The following ADGRB3 variants were observed in gnomAD, a reference collection of about 807,000 sequenced individuals.
ADGRB3 encodes adhesion G protein-coupled receptor B3, also known as brain-specific angiogenesis inhibitor 3.
Under a neutral mutation model 193.4 loss-of-function variants are expected in ADGRB3, and 37 were observed. The observed-to-expected ratio is 0.19, with a 90% CI of 0.15 to 0.25. ADGRB3 has a LOEUF of 0.25. Among genes scored for constraint, ADGRB3 ranks in the 10% least tolerant of loss-of-function variants. The pLI, the probability that ADGRB3 is intolerant of heterozygous loss-of-function variation, is 1.00. For synonymous variants in ADGRB3, 690 were observed against 644.2 expected (o/e 1.07, Z -1.08); for missense variants, 1,637 against 1,852.9 (o/e 0.88, Z 2.14).
At chr6:69,307,490 A>G (rs1419824156) in intron 20 of ADGRB3, among the ~76,000 whole-genome samples, 1 of 151,618 alleles carries the variant, frequency 6.6e-6, no homozygotes, top group Non-Finnish European at 1.5e-5. Context: ...GAAATAACAA[A>G]CAAGGAAAAG....
In ADGRB3 at chr6:68,750,981, T is replaced by C. The variant is rs150466064; in HGVS notation, c.757+111549T>C. Among the ~76,000 whole-genome samples, 673 of 152,280 alleles carry C rather than the reference T, an allele frequency of 4.4e-3. 7 individuals carry two copies. The highest frequency in any genetic ancestry group is 0.014 in the African/African-American group (599 of 41,578). Reference sequence around the variant, plus strand: ...CCCATCTGTCCTAAGCTTAGCCTATTGTTCCACTCTTCTGGGCTTCGTCTT... The same window carrying C: ...CCCATCTGTCCTAAGCTTAGCCTATCGTTCCACTCTTCTGGGCTTCGTCTT... On this transcript the variant is annotated intron_variant, in intron 3 of 31. Transcript: ENST00000370598.
rs1459172151 is a variant in ADGRB3, at chr6:68,661,435, A to ATATATGTGTG, written c.757+22008_757+22009insGTGTGTATAT. 2.2e-4 allele frequency among the ~76,000 whole-genome samples: 18 copies of ATATATGTGTG among 83,662 alleles called. 1 individual carries two copies. The highest frequency in any genetic ancestry group is 8.5e-4 in the African/African-American group (18 of 21,172). 54.9% of individuals were successfully genotyped at this position (83,662 alleles called of 152,430 possible). A position where few individuals can be genotyped will look rare whatever the true frequency, so the allele number is the denominator to read the frequency against. Reference sequence around the variant, plus strand: ...TGTGTGTATATATATGTGTATACATATATATATGTGTGTATACATATATAT... The same window carrying ATATATGTGTG: ...TGTGTGTATATATATGTGTATACATATATATGTGTGTATATATGTGTGTATACATATATAT... On this transcript the variant is annotated intron_variant, in intron 3 of 31. Coordinates refer to ENST00000370598, the MANE Select transcript of ADGRB3 (RefSeq NM_001704.3).
chr6:69,170,613 A>G (rs1775247014), intron 17 of ADGRB3, among the ~76,000 whole-genome samples: 1 of 152,220 alleles, frequency 6.6e-6, no homozygotes, highest in Admixed American at 6.5e-5. Flanking sequence ...GGTCTATAGA[A>G]GTGTTAAAAC....
intron 4 of ADGRB3, among the ~76,000 whole-genome samples, chr6:68,932,988 T>C (rs1325601641): frequency 1.3e-5 from 2 of 150,594 alleles, no homozygotes; most frequent in Non-Finnish European, 3.0e-5. Context: ...GTGACTTTTT[T>C]AAAAAGAGTA....
At chr6:69,159,913 T>C (rs1483732161) in intron 17 of ADGRB3, among the ~76,000 whole-genome samples, 2 of 152,138 alleles carry the variant, frequency 1.3e-5, no homozygotes, top group Non-Finnish European at 2.9e-5. Flanking sequence ...GATGACTCTA[T>C]CCTTCCAGTT....
At chr6:68,699,670 A>T (rs1765210163) in intron 3 of ADGRB3, among the ~76,000 whole-genome samples, 2 of 151,694 alleles carry the variant, frequency 1.3e-5, no homozygotes, top group African/African-American at 4.8e-5. Context: ...GAATACAAAT[A>T]CCCAGAGCTC....
intron 17 of ADGRB3, among the ~76,000 whole-genome samples, chr6:69,146,508 A>C (rs976743001): frequency 1.6e-4 from 24 of 152,238 alleles, no homozygotes; most frequent in Admixed American, 1.4e-3. Flanking sequence ...TCCCAAGAGC[A>C]CAATGATGCC....
At chr6:68,910,593 G>A (rs1383379172) in intron 3 of ADGRB3, among the ~76,000 whole-genome samples, 26 of 152,184 alleles carry the variant, frequency 1.7e-4, no homozygotes, top group Admixed American at 1.5e-3. Flanking sequence ...TAAGGTGTAA[G>A]GAAGGGATCC....
intron 3 of ADGRB3, among the ~76,000 whole-genome samples, chr6:68,670,246 C>T (rs1189733650): frequency 6.6e-6 from 1 of 151,792 alleles, no homozygotes; most frequent in African/African-American, 2.4e-5. Flanking sequence ...TGATTGTATC[C>T]TTTGATGTGC....
At chr6:68,898,710 C>T (rs1332025164) in intron 3 of ADGRB3, among the ~76,000 whole-genome samples, 1 of 152,058 alleles carries the variant, frequency 6.6e-6, no homozygotes, top group Admixed American at 6.6e-5. Context: ...CCAACTAAAA[C>T]AGGTAACTAA....
At chr6:69,020,477 T>C (rs1380219960) in intron 13 of ADGRB3, among the ~76,000 whole-genome samples, 3 of 152,000 alleles carry the variant, frequency 2.0e-5, no homozygotes, top group Admixed American at 6.6e-5. Context: ...ATATTGTGTA[T>C]TTTTTTGCAA....
intron 10 of ADGRB3, among the ~76,000 whole-genome samples, chr6:68,982,160 T>C (rs961451878): frequency 6.6e-6 from 1 of 152,096 alleles, no homozygotes; most frequent in Non-Finnish European, 1.5e-5. Context: ...CATTTATAAC[T>C]CTAAGATCTG....
intron 3 of ADGRB3, among the ~76,000 whole-genome samples, chr6:68,663,778 A>G (rs1022962269): frequency 4.0e-5 from 6 of 151,832 alleles, no homozygotes; most frequent in African/African-American, 1.4e-4. Context: ...CGAAGAGAGC[A>G]TTTGGCTTTC....
intron 17 of ADGRB3, among the ~76,000 whole-genome samples, chr6:69,208,113 A>C (rs531672014): frequency 6.6e-6 from 1 of 152,322 alleles, no homozygotes; most frequent in South Asian, 2.1e-4. Context: ...TGCTGAGCCC[A>C]TGCGTAACCT....
intron 17 of ADGRB3, among the ~76,000 whole-genome samples, chr6:69,204,707 T>TA (rs1765499073): frequency 6.6e-6 from 1 of 152,188 alleles, no homozygotes; most frequent in African/African-American, 2.4e-5. Context: ...TATCTAGAAA[T>TA]TAAAAGAATC....
Position 68,973,633 on chromosome 6 carries a change from T to C in ADGRB3, c.1526-1130T>C, listed in dbSNP as rs562602694. Among the ~76,000 whole-genome samples, 107 of 152,324 alleles carry C rather than the reference T, an allele frequency of 7.0e-4. 1 individual carries two copies. Among genetic ancestry groups the C allele is most frequent in the African/African-American group, 2.4e-3 (98 of 41,574 alleles). On this transcript the variant is annotated intron_variant, in intron 8 of 31. Transcript: ENST00000370598. ...TATTTATCAAGGTATTTATAAAACA[T>C]ATATTCATTTATTTATTTATTCAAT...
intron 20 of ADGRB3, among the ~76,000 whole-genome samples, chr6:69,301,680 G>A (rs1767951760): frequency 1.3e-5 from 2 of 151,904 alleles, no homozygotes. Flanking sequence ...ATTGAGGTCT[G>A]TAACTGTGGT....
intron 3 of ADGRB3, among the ~76,000 whole-genome samples, chr6:68,778,663 C>A (rs961359216): frequency 2.0e-5 from 3 of 152,040 alleles, no homozygotes; most frequent in Non-Finnish European, 4.4e-5. Flanking sequence ...TTACAAAACA[C>A]CTACACTACA....
At chr6:69,079,719 A>C (rs547637557) in intron 17 of ADGRB3, among the ~76,000 whole-genome samples, 1 of 152,148 alleles carries the variant, frequency 6.6e-6, no homozygotes, top group South Asian at 2.1e-4. Flanking sequence ...TTGGATTTTG[A>C]GTATTAGATC....
Sources: allele counts gnomAD v4.1 joint callset (sites outside exome capture counted in the v4.1 genomes callset), GRCh38; gene constraint gnomAD v4.1.1; transcripts MANE v1.5; gene names NCBI Gene and HGNC (gene_info 2026-07-23, HGNC 2026-07-21).